Variants in NAALADL2 observed in about 807,000 individuals in gnomAD.
NAALADL2 encodes inactive N-acetylated-alpha-linked acidic dipeptidase-like protein 2.
NAALADL2 carries 76 observed loss-of-function variants against 87.2 expected under a neutral mutation model. The observed-to-expected ratio is 0.87, with a 90% CI of 0.72 to 1.05. The LOEUF is 1.05. NAALADL2 is among the 50% of genes least tolerant of loss of function. The pLI, the probability that NAALADL2 is intolerant of heterozygous loss-of-function variation, is 0.00. For synonymous variants in NAALADL2, 354 were observed against 331.0 expected, an observed-to-expected ratio of 1.07 and a Z score of -0.75; for missense variants, 1,089 against 945.8, an observed-to-expected ratio of 1.15 and a Z score of -1.99.
chr3:175,280,687 A>C (rs1465262571), intron 4 of NAALADL2, among the ~76,000 whole-genome samples: 1 of 152,020 alleles, frequency 6.6e-6, no homozygotes, highest in Non-Finnish European at 1.5e-5. Context: ...CCTGTTCCTG[A>C]TAGGCTTAAA....
chr3:175,693,090 T>A (rs1737260139), intron 11 of NAALADL2, among the ~76,000 whole-genome samples: 1 of 152,148 alleles, frequency 6.6e-6, no homozygotes, highest in African/African-American at 2.4e-5. Flanking sequence ...GGAAGCATGG[T>A]CTTCTAGATT....
chr3:174,841,260 T>C (rs912415636), intron 3 of NAALADL2, among the ~76,000 whole-genome samples: 17 of 152,166 alleles, frequency 1.1e-4, no homozygotes, highest in Non-Finnish European at 2.9e-5. Flanking sequence ...TTGTAATAGT[T>C]ACTGTGCTTA....
At position 175,042,536 on chromosome 3, in the gene NAALADL2, AT is replaced by A. The variant is rs927243919; in HGVS notation, c.44-54251del. ...ACTATTTTCCATAGTGCCTATACCA[AT>A]TTATATTCCCCCCAACAATGAATAA... On this transcript the variant is annotated intron_variant, in intron 1 of 13. Coordinates refer to ENST00000454872, the MANE Select transcript of NAALADL2 (RefSeq NM_207015.3). 8.3e-4 allele frequency among the ~76,000 whole-genome samples: 127 copies of A among 152,188 alleles called. 1 individual carries two copies. The highest frequency in any genetic ancestry group is 5.6e-3 in the Admixed American group (85 of 15,284).
At chr3:175,076,170 A>C (rs1009821785) in intron 1 of NAALADL2, among the ~76,000 whole-genome samples, 3 of 152,050 alleles carry the variant, frequency 2.0e-5, no homozygotes, top group African/African-American at 7.2e-5. Flanking sequence ...GGAAGTTGCA[A>C]TGAGCTGAGA....
chr3:175,296,148 A>T (rs1382081153), intron 4 of NAALADL2, among the ~76,000 whole-genome samples: 1 of 38,216 alleles, frequency 2.6e-5, no homozygotes, highest in African/African-American at 5.4e-5. Context: ...GTATTCCTTA[A>T]ATCAACGGCC....
chr3:174,604,170 G>A (rs1388908073), intron 2 of NAALADL2, among the ~76,000 whole-genome samples: 1 of 152,068 alleles, frequency 6.6e-6, no homozygotes, highest in South Asian at 2.1e-4. Flanking sequence ...TGCTGATAGT[G>A]GGATGTTGGG....
At chr3:175,619,810 G>A (rs1455001189) in intron 10 of NAALADL2, among the ~76,000 whole-genome samples, 3 of 152,158 alleles carry the variant, frequency 2.0e-5, no homozygotes, top group Non-Finnish European at 4.4e-5. Flanking sequence ...ATAATGGACT[G>A]TTGGGGACTG....
chr3:174,510,526 T>A (rs1392934092), intron 1 of NAALADL2, among the ~76,000 whole-genome samples: 2 of 152,048 alleles, frequency 1.3e-5, no homozygotes, highest in Non-Finnish European at 2.9e-5. Context: ...TTGTTGTTCA[T>A]AATATTTTCT....
At chr3:174,909,427 C>T (rs1043471309) in intron 1 of NAALADL2, among the ~76,000 whole-genome samples, 16 of 152,008 alleles carry the variant, frequency 1.1e-4, no homozygotes, top group African/African-American at 3.6e-4. Context: ...CTATACACAC[C>T]AGACACTTGT....
intron 2 of NAALADL2, among the ~76,000 whole-genome samples, chr3:175,127,376 T>C (rs1022646683): frequency 2.6e-5 from 4 of 152,036 alleles, no homozygotes; most frequent in African/African-American, 9.7e-5. Context: ...TTCATGAAGT[T>C]TACATAGCAA....
At chr3:174,787,584 T>TGTGTATATATATAC in intron 3 of NAALADL2, among the ~76,000 whole-genome samples, 1 of 59,174 alleles carries the variant, frequency 1.7e-5, no homozygotes, top group East Asian at 5.4e-4. Flanking sequence ...ATCATATATA[T>TGTGTATATATATAC]ATATATATAT....
chr3:175,483,131 T>G (rs2059003), intron 9 of NAALADL2, among the ~76,000 whole-genome samples: 103,240 of 151,632 alleles, frequency 0.68, 37,330 homozygotes, highest in East Asian at 0.97. Context: ...CAAATTGCTG[T>G]GTTATATATA....
rs1212894783 is a variant in NAALADL2, at chr3:174,751,628, A to G, written c.-9+13882A>G. On this transcript the variant is annotated intron_variant, in intron 3 of 3. Coordinates refer to the NAALADL2 transcript ENST00000434257. The stretch of plus-strand genomic sequence containing the variant: ...CAGTGAGCCGAGATCGTGCCACTGC[A>G]CTCCAGCCTTGCTGACAGAGCGAGA... 7.6e-5 allele frequency among the ~76,000 whole-genome samples: 11 copies of G among 145,482 alleles called. No homozygotes were observed. In the East Asian group the frequency reaches 2.3e-3, roughly 30 times the overall value.
chr3:175,129,029 C>T (rs1332342179), intron 2 of NAALADL2, among the ~76,000 whole-genome samples: 7 of 151,936 alleles, frequency 4.6e-5, no homozygotes, highest in African/African-American at 1.7e-4. Context: ...ACCCCTGCCT[C>T]CCAGATTCAA....
At chr3:175,591,768 G>GT (rs752186279) in intron 10 of NAALADL2, among the ~76,000 whole-genome samples, 299 of 7,694 alleles carry the variant, frequency 0.039, no homozygotes, top group Admixed American at 0.058. Context: ...TGCGCATGTG[G>GT]TGTGTGTGTG....
intron 1 of NAALADL2, among the ~76,000 whole-genome samples, chr3:174,980,184 C>T (rs1426264843): frequency 1.3e-5 from 2 of 152,164 alleles, no homozygotes; most frequent in Non-Finnish European, 2.9e-5. Context: ...TGTTATAATT[C>T]CTATTTAATT....
At chr3:175,768,279 T>C (rs1749012244) in intron 13 of NAALADL2, among the ~76,000 whole-genome samples, 1 of 152,110 alleles carries the variant, frequency 6.6e-6, no homozygotes, top group Admixed American at 6.5e-5. Flanking sequence ...TATGTAATAA[T>C]TGTTGGGGCT....
intron 1 of NAALADL2, among the ~76,000 whole-genome samples, chr3:174,891,943 C>A (rs1282552157): frequency 6.6e-6 from 1 of 152,016 alleles, no homozygotes; most frequent in African/African-American, 2.4e-5. Context: ...AGGACTTTGT[C>A]CTGCATCTTG....
At chr3:175,276,796 G>A (rs544580913) in intron 4 of NAALADL2, among the ~76,000 whole-genome samples, 1 of 151,924 alleles carries the variant, frequency 6.6e-6, no homozygotes, top group African/African-American at 2.4e-5. Flanking sequence ...TTCAAGATGA[G>A]ATCCATTTCT....
Sources: allele counts gnomAD v4.1 joint callset (sites outside exome capture counted in the v4.1 genomes callset), GRCh38; gene constraint gnomAD v4.1.1; transcripts MANE v1.5; gene names NCBI Gene and HGNC (gene_info 2026-07-23, HGNC 2026-07-21).